DLEU7: variants seen among roughly 807,000 people sequenced by gnomAD.
The protein encoded by DLEU7 is deleted in lymphocytic leukemia 7.
Under a neutral mutation model 16.0 loss-of-function variants are expected in DLEU7, and 17 were observed. That is an observed-to-expected ratio of 1.06 (90% CI 0.73 to 1.59). DLEU7 has a LOEUF of 1.59. Among genes scored for constraint, DLEU7 ranks in the 40% most tolerant of loss-of-function variants. The probability of loss-of-function intolerance (pLI) is 0.00; values close to 1 mark genes in which losing one functional copy is unlikely to be tolerated. For missense variants in DLEU7, 308 were observed against 314.9 expected (o/e 0.98, Z 0.17); for synonymous variants, 113 against 139.8 (o/e 0.81, Z 1.35).
downstream of DLEU7, among the ~76,000 whole-genome samples, chr13:50,818,274 G>T (rs927803636): frequency 6.6e-6 from 1 of 152,072 alleles, no homozygotes; most frequent in Non-Finnish European, 1.5e-5. Context: ...GAGGAGAAAA[G>T]GCCACTCAGA....
At chr13:50,808,977 G>T (rs544749378) in intron 1 of DLEU7, among the ~76,000 whole-genome samples, 1 of 151,994 alleles carries the variant, frequency 6.6e-6, no homozygotes, top group African/African-American at 2.4e-5. Context: ...AAATAAGAAG[G>T]TACTTAAGCA....
Position 50,732,606 on chromosome 13 carries a change from C to CAAAAAAAAAAAAAAAAAA in DLEU7, c.460-19384_460-19367dup, listed in dbSNP as rs58395582. Among the ~76,000 whole-genome samples, 23 of 65,934 alleles carry CAAAAAAAAAAAAAAAAAA rather than the reference C, an allele frequency of 3.5e-4. 1 individual carries two copies. Among genetic ancestry groups the CAAAAAAAAAAAAAAAAAA allele is most frequent in the Non-Finnish European group, 5.2e-4 (20 of 38,542 alleles). The allele number at this position is 65,934 out of a possible 152,430, so 43.3% of individuals were successfully genotyped here. A position where few individuals can be genotyped will look rare whatever the true frequency, so the allele number is the denominator to read the frequency against. On this transcript the variant is annotated intron_variant, in intron 1 of 1. Coordinates refer to the DLEU7 transcript ENST00000400393. ...CAGGCAACAGTATGAGACTCCATCT[C>CAAAAAAAAAAAAAAAAAA]AAAAAAAAAAAAAAAAAAAAGCTTA...
At chr13:50,842,178 T>C (rs1344014890) in intron 1 of DLEU7, among the ~76,000 whole-genome samples, 1 of 152,182 alleles carries the variant, frequency 6.6e-6, no homozygotes, top group African/African-American at 2.4e-5. Flanking sequence ...ATAGGCTTTA[T>C]TATGTTTGAT....
chr13:50,787,642 C>T (rs1368175522), intron 1 of DLEU7, among the ~76,000 whole-genome samples: 1 of 152,060 alleles, frequency 6.6e-6, no homozygotes, highest in East Asian at 1.9e-4. Flanking sequence ...TTCCTACTTT[C>T]CATTCATTCT....
rs1877760475 is a variant in DLEU7 at position 50,843,536 on chromosome 13, G to A, written c.111C>T (p.Pro37=). Residue 37 remains proline (P), a synonymous_variant, in exon 1 of 2, where the codon CCC becomes CCT. Coordinates refer to ENST00000504404, the MANE Select transcript of DLEU7 (RefSeq NM_001306135.2). This position sits in a 1 kb window ranked among gnomAD's most constrained non-coding sequence, Gnocchi z 5.7. ...CGTGGTCTGGGTCCCGCGGGTTCCC[G>A]GGGGCGACTGGACCGTCCCCCCAGC... ...EWGWGDGPVA[P]GNPRDPDHVS... is the part of the protein sequence containing the mutation. 2.1e-6 allele frequency: 3 copies of A among 1,435,588 alleles called. No homozygotes were observed. The highest frequency in any genetic ancestry group is 2.7e-6 in the Non-Finnish European group (3 of 1,104,822). The allele number at this position is 1,435,588 out of a possible 1,614,324, so 88.9% of individuals were successfully genotyped here. A position where few individuals can be genotyped will look rare whatever the true frequency, so the allele number is the denominator to read the frequency against.
rs117661596 is a variant in DLEU7 at position 50,757,924 on chromosome 13, A to G, written c.460-44684T>C. Among the ~76,000 whole-genome samples the G allele has an allele frequency of 8.0e-3, 1,221 of 152,148 alleles. 8 individuals carry two copies. Among genetic ancestry groups the G allele is most frequent in the South Asian group, 0.015 (72 of 4,822 alleles). On this transcript the variant is annotated intron_variant, in intron 1 of 1. Transcript: ENST00000400393. ...TTACACCTAAAATACCAACTCCATC[A>G]TATCTTCAGAACAATTCTTCTAGAC...
At chr13:50,733,635 T>C (rs919335745) in intron 1 of DLEU7, among the ~76,000 whole-genome samples, 2 of 152,070 alleles carry the variant, frequency 1.3e-5, no homozygotes, top group Admixed American at 6.6e-5. Context: ...ACATTTCCTG[T>C]CTCATATCTC....
chr13:50,730,884 C>T lies in DLEU7; in HGVS notation c.460-17644G>A, dbSNP rs555434474. Among the ~76,000 whole-genome samples the T allele has an allele frequency of 2.0e-5, 3 of 152,182 alleles. No individual in the cohort carries two copies. In the East Asian group the frequency reaches 5.8e-4, roughly 29 times the overall value. On this transcript the variant is annotated intron_variant, in intron 1 of 1. Coordinates refer to the DLEU7 transcript ENST00000400393. Reference sequence around the variant, plus strand: ...TAAATAGAGTCTGGAGACAGGGAATCCATGGCTGATTCACTGACTTCCTAG... The same window carrying T: ...TAAATAGAGTCTGGAGACAGGGAATTCATGGCTGATTCACTGACTTCCTAG...
intron 1 of DLEU7, among the ~76,000 whole-genome samples, chr13:50,775,459 C>T (rs1875466301): frequency 6.6e-6 from 1 of 152,180 alleles, no homozygotes; most frequent in Non-Finnish European, 1.5e-5. Context: ...AAACTGTCTG[C>T]CTGCATTGGG....
chr13:50,761,140 C>T (rs1440943255), intron 1 of DLEU7, among the ~76,000 whole-genome samples: 1 of 152,118 alleles, frequency 6.6e-6, no homozygotes, highest in African/African-American at 2.4e-5. Context: ...CCCGTCCTTG[C>T]TCAGAAAAAA....
chr13:50,756,289 C>T (rs572849), intron 1 of DLEU7, among the ~76,000 whole-genome samples: 72,034 of 151,900 alleles, frequency 0.47, 18,118 homozygotes, highest in African/African-American at 0.63. Flanking sequence ...CAAGAGTATA[C>T]GCCCTTTGTC....
At chr13:50,829,932 A>G (rs1877209156) in intron 1 of DLEU7, among the ~76,000 whole-genome samples, 1 of 152,188 alleles carries the variant, frequency 6.6e-6, no homozygotes, top group Non-Finnish European at 1.5e-5. Context: ...TAAATGGCTC[A>G]TGGGCTTTCA....
chr13:50,714,236 G>C (rs2058152257), intron 1 of DLEU7, among the ~76,000 whole-genome samples: 1 of 152,196 alleles, frequency 6.6e-6, no homozygotes, highest in Non-Finnish European at 1.5e-5. Flanking sequence ...TCTAGGGCTA[G>C]AAGCGTTGTT....
chr13:50,712,920 C>G, exon 2 of DLEU7: 1 of 369,890 alleles, frequency 2.7e-6, no homozygotes, highest in Non-Finnish European at 4.9e-6. Context: ...GGGAATTTGT[C>G]ACGATCTTCT....
chr13:50,841,721 C>T (rs1324361604), intron 1 of DLEU7, among the ~76,000 whole-genome samples: 2 of 135,854 alleles, frequency 1.5e-5, no homozygotes, highest in African/African-American at 5.8e-5. Context: ...CTTGGCAACA[C>T]AGGCAGACCT....
chr13:50,817,671 A>T (rs1297077184), intron 1 of DLEU7, among the ~76,000 whole-genome samples: 4 of 152,164 alleles, frequency 2.6e-5, no homozygotes, highest in Non-Finnish European at 5.9e-5. Flanking sequence ...GAGTTTTAAG[A>T]TGTGGAAGAT....
chr13:50,723,312 T>C (rs1179768656), intron 1 of DLEU7: 1 of 152,162 alleles, frequency 6.6e-6, no homozygotes, highest in Non-Finnish European at 1.5e-5. Flanking sequence ...CTTCCCAATA[T>C]ACAATAACAT....
chr13:50,745,518 A>G lies in DLEU7; in HGVS notation c.460-32278T>C, dbSNP rs113119282. Among the ~76,000 whole-genome samples, 404 of 152,302 alleles carry G rather than the reference A, an allele frequency of 2.7e-3. 2 individuals carry two copies. Among genetic ancestry groups the G allele is most frequent in the African/African-American group, 8.1e-3 (338 of 41,560 alleles). On this transcript the variant is annotated intron_variant, in intron 1 of 1. Coordinates refer to the DLEU7 transcript ENST00000400393. ...TAATGTGAATACACTTAATGCCATC[A>G]AGCCATACACTTAGAGGTAGTAAAT...
chr13:50,793,372 A>G (rs1876021839), intron 1 of DLEU7, among the ~76,000 whole-genome samples: 1 of 152,212 alleles, frequency 6.6e-6, no homozygotes, highest in Admixed American at 6.5e-5. Context: ...GATACCCAGT[A>G]GTGAGATTGC....
Sources: allele counts gnomAD v4.1 joint callset (sites outside exome capture counted in the v4.1 genomes callset), GRCh38; gene constraint gnomAD v4.1.1; non-coding constraint Gnocchi (gnomAD v3.1); transcripts MANE v1.5; gene names NCBI Gene and HGNC (gene_info 2026-07-23, HGNC 2026-07-21).